AMBRA1: variants seen among roughly 807,000 people sequenced by gnomAD.
AMBRA1 encodes the protein activating molecule in BECN1-regulated autophagy protein 1.
AMBRA1 carries 47 observed loss-of-function variants against 125.4 expected under a neutral mutation model. The observed-to-expected ratio is 0.37, with a 90% CI of 0.30 to 0.48. The LOEUF (loss-of-function observed/expected upper bound fraction) is 0.48. Ranked by LOEUF, AMBRA1 falls within the 20% of genes least tolerant of loss-of-function variation. The pLI, the probability that AMBRA1 is intolerant of heterozygous loss-of-function variation, is 0.99. For synonymous variants in AMBRA1, 626 were observed against 655.5 expected (o/e 0.95, Z 0.69); for missense variants, 1,331 against 1,693.4 (o/e 0.79, Z 3.76).
chr11:46,475,182 C>A (rs1949769826), intron 11 of AMBRA1, among the ~76,000 whole-genome samples: 2 of 152,226 alleles, frequency 1.3e-5, no homozygotes, highest in Non-Finnish European at 2.9e-5. Flanking sequence ...TGGCAGGCAG[C>A]CTCCAGCGCC....
chr11:46,444,563 A>G (rs887739241), intron 11 of AMBRA1, among the ~76,000 whole-genome samples: 1 of 152,138 alleles, frequency 6.6e-6, no homozygotes, highest in African/African-American at 2.4e-5. Context: ...GCTAACCTAA[A>G]TGGTATTCTC....
rs376271468 is a variant in AMBRA1, at chr11:46,417,919, C to T, written c.3110G>A (p.Arg1037Gln). The T allele has an allele frequency of 4.4e-6, 7 of 1,608,420 alleles. No homozygotes were observed. The highest frequency in any genetic ancestry group is 1.3e-5 in the African/African-American group (1 of 74,818). The stretch of plus-strand genomic sequence containing the variant: ...CACACTTTAAGCCACTTACTCTGGT[C>T]GGCAGATCACCAGGTCTCCTTTGTT... ...GTNKGDLVIC[R>Q]PEALNSGVEY... The change falls in exon 15 of 18, where the codon CGA becomes CAA. Residue 1037 changes from arginine (R) to glutamine (Q), a missense_variant. This residue lies in a region of AMBRA1 where 354 missense variants were observed against 532.7 expected (regional missense o/e 0.66). Transcript: ENST00000683756.
chr11:46,479,711 G>A (rs1372039829), intron 11 of AMBRA1, among the ~76,000 whole-genome samples: 2 of 152,106 alleles, frequency 1.3e-5, no homozygotes, highest in Non-Finnish European at 2.9e-5. Flanking sequence ...ACAACCCTGA[G>A]ACACTATGTG....
At chr11:46,583,045 C>T (rs1238165070) in intron 1 of AMBRA1, among the ~76,000 whole-genome samples, 1 of 152,070 alleles carries the variant, frequency 6.6e-6, no homozygotes, top group Non-Finnish European at 1.5e-5. Context: ...GTCGCCAAGT[C>T]AATCCTAAGC....
At chr11:46,551,883 C>T (rs2043011022) in intron 1 of AMBRA1, among the ~76,000 whole-genome samples, 1 of 151,790 alleles carries the variant, frequency 6.6e-6, no homozygotes, top group Non-Finnish European at 1.5e-5. Context: ...CAAAAATTAG[C>T]CAGGCGTGGT....
chr11:46,478,924 C>A (rs529170735), intron 11 of AMBRA1, among the ~76,000 whole-genome samples: 1 of 152,158 alleles, frequency 6.6e-6, no homozygotes, highest in South Asian at 2.1e-4. Context: ...TTGTGCTGGA[C>A]GCAGTGGCTC....
At chr11:46,543,535 CT>C (rs1194895915) in intron 6 of AMBRA1, 137 bp from the exon 7 acceptor site, 2 of 1,099,486 alleles carry the variant, frequency 1.8e-6, no homozygotes, top group Non-Finnish European at 2.6e-6. Flanking sequence ...CTCTCTACCC[CT>C]GAAGCACTGA....
intron 14 of AMBRA1, among the ~76,000 whole-genome samples, chr11:46,432,124 A>AG (rs1947485827): frequency 1.3e-5 from 2 of 152,292 alleles, no homozygotes; most frequent in African/African-American, 4.8e-5. Context: ...TGGACTTCAT[A>AG]AAGATAAAAC....
chr11:46,415,094 G>C (rs556522419), intron 15 of AMBRA1, among the ~76,000 whole-genome samples: 1 of 152,232 alleles, frequency 6.6e-6, no homozygotes, highest in Non-Finnish European at 1.5e-5. Flanking sequence ...TGGCTGGCTG[G>C]ATCCTGTGCC....
intron 1 of AMBRA1, among the ~76,000 whole-genome samples, chr11:46,590,835 T>G (rs2044569605): frequency 6.7e-6 from 1 of 149,282 alleles, no homozygotes; most frequent in Admixed American, 6.8e-5. Flanking sequence ...ATTGCTTCAA[T>G]CCGGGAAGTG....
In AMBRA1 at chr11:46,542,547, G is replaced by A. The variant is rs1379336444; in HGVS notation, c.1470C>T (p.Asn490=). 1 of 1,613,148 alleles carries A rather than the reference G, an allele frequency of 6.2e-7. No individual in the cohort carries two copies. Among genetic ancestry groups the A allele is most frequent in the Non-Finnish European group, 8.5e-7 (1 of 1,180,042 alleles). Residue 490 remains asparagine, a synonymous_variant, in exon 7 of 18, where the codon AAC becomes AAT. Transcript: ENST00000683756. The surrounding 1 kb of genome is among the most constrained non-coding windows in gnomAD (Gnocchi z 5.9). Reference sequence around the variant, plus strand: ...GCTCATGGCGAATGCTGCCCGAGTTGTTTTGGCTGGAGCCATTCCCTCCAT... The same window carrying A: ...GCTCATGGCGAATGCTGCCCGAGTTATTTTGGCTGGAGCCATTCCCTCCAT... The part of the protein sequence containing the change: ...ESDGGNGSSQ[N]NSGSIRHELQ...
intron 11 of AMBRA1, among the ~76,000 whole-genome samples, chr11:46,466,922 C>T (rs1312392229): frequency 1.9e-5 from 2 of 105,774 alleles, no homozygotes; most frequent in African/African-American, 3.5e-5. Context: ...TTTCTTTTTT[C>T]TTTTTTTTTT....
intron 7 of AMBRA1, among the ~76,000 whole-genome samples, chr11:46,533,457 G>C (rs1344227094): frequency 6.6e-6 from 1 of 152,024 alleles, no homozygotes; most frequent in African/African-American, 2.4e-5. Flanking sequence ...TCGATAACAC[G>C]CCTTCTTGTT....
At position 46,542,280 on chromosome 11, in the gene AMBRA1, G is replaced by A. The variant is rs139332060; in HGVS notation, c.1737C>T (p.Asn579=). 574 of 1,614,086 alleles carry A rather than the reference G, an allele frequency of 3.6e-4. No homozygotes were observed. The highest frequency in any genetic ancestry group is 4.3e-4 in the Non-Finnish European group (510 of 1,180,038). ...RACHNLLTFN[N]DTLRWERTTP... The stretch of plus-strand genomic sequence containing the variant: ...TGGTTCTTTCCCAGCGCAGGGTATC[G>A]TTGTTGAAGGTCAGGAGATTGTGGC... The change falls in exon 7 of 18, where the codon AAC becomes AAT. Residue 579 remains asparagine (N), a synonymous_variant. Transcript: ENST00000683756. This position sits in a 1 kb window ranked among gnomAD's most constrained non-coding sequence, Gnocchi z 5.9.
At chr11:46,530,045 C>T (rs749558478) in intron 7 of AMBRA1, among the ~76,000 whole-genome samples, 13 of 152,082 alleles carry the variant, frequency 8.5e-5, no homozygotes, top group Non-Finnish European at 1.6e-4. Context: ...CAAACAGAAC[C>T]CCATACACCT....
At chr11:46,439,559 TA>T (rs1294283358) in intron 12 of AMBRA1, among the ~76,000 whole-genome samples, 2 of 152,050 alleles carry the variant, frequency 1.3e-5, no homozygotes, top group African/African-American at 4.8e-5. Flanking sequence ...ACTTAACTAT[TA>T]AAAAACTAAA....
At chr11:46,488,313 A>G (rs1456468661) in intron 11 of AMBRA1, among the ~76,000 whole-genome samples, 1 of 152,056 alleles carries the variant, frequency 6.6e-6, no homozygotes, top group Non-Finnish European at 1.5e-5. Context: ...AAAATTAGCC[A>G]GGCCTGGGGG....
At chr11:46,453,041 T>C (rs1319651830) in intron 11 of AMBRA1, among the ~76,000 whole-genome samples, 1 of 152,294 alleles carries the variant, frequency 6.6e-6, no homozygotes, top group East Asian at 1.9e-4. Context: ...TACTGTCTAA[T>C]TTCAGGCATT....
intron 15 of AMBRA1, among the ~76,000 whole-genome samples, chr11:46,417,204 A>G (rs1385765668): frequency 6.6e-6 from 1 of 152,092 alleles, no homozygotes; most frequent in Non-Finnish European, 1.5e-5. Flanking sequence ...GGCACGTGCC[A>G]CTATGCCCGG....
Sources: allele counts gnomAD v4.1 joint callset (sites outside exome capture counted in the v4.1 genomes callset), GRCh38; gene constraint gnomAD v4.1.1; regional missense constraint gnomAD v4.1.1; non-coding constraint Gnocchi (gnomAD v3.1); transcripts MANE v1.5; gene names NCBI Gene and HGNC (gene_info 2026-07-23, HGNC 2026-07-21).